The following RUNX1 variants were observed in gnomAD, a reference collection of about 807,000 sequenced individuals.
The protein encoded by RUNX1 is runt-related transcription factor 1.
A neutral mutation model predicts 42.8 loss-of-function variants in RUNX1; 19 were observed. The observed-to-expected ratio is 0.44, with a 90% confidence interval of 0.31 to 0.65. RUNX1 has a LOEUF of 0.65. Among genes scored for constraint, RUNX1 ranks in the 30% least tolerant of loss-of-function variants. The pLI, the probability that RUNX1 is intolerant of heterozygous loss-of-function variation, is 0.07. For missense variants in RUNX1, 528 were observed against 672.0 expected (o/e 0.79, Z 2.37); for synonymous variants, 271 against 289.4 (o/e 0.94, Z 0.64).
intron 3 of RUNX1, chr21:34,887,437 T>C (rs1291165535): frequency 3.1e-6 from 4 of 1,305,530 alleles, no homozygotes; most frequent in South Asian, 4.3e-5. Flanking sequence ...CTTTGGCTGT[T>C]AGAAAAGTTC....
rs2056427728 is a variant in RUNX1 at position 34,791,062 on chromosome 21, G to T, written c.*1073C>A. 2 of 233,574 alleles carry T rather than the reference G, an allele frequency of 8.6e-6. No individual in the cohort carries two copies. The highest frequency in any genetic ancestry group is 1.7e-5 in the Non-Finnish European group (2 of 118,040). The allele number at this position is 233,574 out of a possible 1,614,324, so 14.5% of individuals were successfully genotyped here. A position where few individuals can be genotyped will look rare whatever the true frequency, so the allele number is the denominator to read the frequency against. On this transcript the variant is annotated 3_prime_UTR_variant, in exon 9 of 9. Coordinates refer to ENST00000675419, the MANE Select transcript of RUNX1 (RefSeq NM_001754.5). The stretch of plus-strand genomic sequence containing the variant: ...TATGAGACCCTTGTTGAGCCTGGCA[G>T]AAAATTCCATACTTCTGATCCTTGG...
chr21:34,898,813 G>A (rs1280854023), intron 2 of RUNX1, among the ~76,000 whole-genome samples: 1 of 152,244 alleles, frequency 6.6e-6, no homozygotes, highest in Non-Finnish European at 1.5e-5. Context: ...GGTCTCGGAA[G>A]AAGCCTGAGA....
chr21:34,956,361 T>C (rs2058643883), intron 2 of RUNX1, among the ~76,000 whole-genome samples: 1 of 152,212 alleles, frequency 6.6e-6, no homozygotes. Flanking sequence ...ATTTGAAAGA[T>C]GAACTGGTAG....
intron 2 of RUNX1, among the ~76,000 whole-genome samples, chr21:34,939,451 G>A (rs1214775582): frequency 9.9e-5 from 15 of 152,216 alleles, no homozygotes; most frequent in Admixed American, 9.8e-4. Flanking sequence ...TGTGTGATAT[G>A]TAGGAAAGTT....
Position 34,790,511 on chromosome 21 carries a change from C to A in RUNX1, c.*1624G>T, listed in dbSNP as rs2056420589. On this transcript the variant is annotated 3_prime_UTR_variant, in exon 9 of 9. Coordinates refer to ENST00000675419, the MANE Select transcript of RUNX1 (RefSeq NM_001754.5). ...TACAACAACTGCATTCTGACCAAAT[C>A]CTCCAATAAAAATAGTGCCATAAAA... 4.3e-6 allele frequency: 1 copy of A among 233,682 alleles called. No individual in the cohort carries two copies. Among genetic ancestry groups the A allele is most frequent in the Admixed American group, 5.6e-5 (1 of 17,804 alleles). The allele number at this position is 233,682 out of a possible 1,614,324, so 14.5% of individuals were successfully genotyped here. A position where few individuals can be genotyped will look rare whatever the true frequency, so the allele number is the denominator to read the frequency against.
rs558793739 is a variant in RUNX1, at chr21:34,968,917, C to T, written c.59-75954G>A. Among the ~76,000 whole-genome samples the T allele has an allele frequency of 4.1e-4, 63 of 152,296 alleles. 1 individual carries two copies. Among genetic ancestry groups the T allele is most frequent in the African/African-American group, 1.4e-3 (60 of 41,554 alleles). On this transcript the variant is annotated intron_variant, in intron 2 of 8. Coordinates refer to ENST00000675419, the MANE Select transcript of RUNX1 (RefSeq NM_001754.5). ...GGTTCTACATGTAGCTAAAACAATT[C>T]AGTAACCCCGCCGGCAATTCTGCAA...
chr21:34,920,097 A>G (rs989175623), intron 2 of RUNX1, among the ~76,000 whole-genome samples: 4 of 152,218 alleles, frequency 2.6e-5, no homozygotes, highest in Admixed American at 2.0e-4. Flanking sequence ...CAAAATAACC[A>G]TCATCAAGGA....
In RUNX1 at chr21:34,843,126, A is replaced by G. The variant is rs779506745; in HGVS notation, c.614-8525T>C. 6.6e-6 allele frequency among the ~76,000 whole-genome samples: 1 copy of G among 152,192 alleles called. No homozygotes were observed. Among genetic ancestry groups the G allele is most frequent in the Non-Finnish European group, 1.5e-5 (1 of 68,044 alleles). On this transcript the variant is annotated intron_variant, in intron 6 of 8. Coordinates refer to ENST00000675419, the MANE Select transcript of RUNX1 (RefSeq NM_001754.5). This position sits in a 1 kb window ranked among gnomAD's most constrained non-coding sequence, Gnocchi z 4.8. ...CATGGACACACATGTATAAACACACATACAGACACACATGGACATATACAC... is the reference window on the plus strand; with the variant it reads ...CATGGACACACATGTATAAACACACGTACAGACACACATGGACATATACAC...
At chr21:34,965,762 C>G (rs947836196) in intron 2 of RUNX1, among the ~76,000 whole-genome samples, 45 of 152,302 alleles carry the variant, frequency 3.0e-4, no homozygotes, top group African/African-American at 1.1e-3. Context: ...TCCTGTGAAG[C>G]TGGATGCTCT....
Position 34,788,554 on chromosome 21 carries a change from A to C in RUNX1, c.*3581T>G. On this transcript the variant is annotated 3_prime_UTR_variant, in exon 9 of 9. Coordinates refer to ENST00000675419, the MANE Select transcript of RUNX1 (RefSeq NM_001754.5). ...AGAAAAAGTCCTTAGAAACACACAC[A>C]AAAAAATTGAAAAAAAGTTATAGGC... 1 of 232,984 alleles carries C rather than the reference A, an allele frequency of 4.3e-6. No individual in the cohort carries two copies. The highest frequency in any genetic ancestry group is 8.5e-6 in the Non-Finnish European group (1 of 117,716). 14.4% of individuals were successfully genotyped at this position (232,984 alleles called of 1,614,324 possible).
intron 4 of RUNX1, 124 bp downstream of exon 4, chr21:34,886,719 G>T: frequency 6.8e-7 from 1 of 1,476,170 alleles, no homozygotes; most frequent in South Asian, 1.2e-5. Flanking sequence ...TAGGAAGACC[G>T]ACCCGGGGCT....
At chr21:34,816,696 G>A (rs1351475574) in intron 7 of RUNX1, among the ~76,000 whole-genome samples, 2 of 152,088 alleles carry the variant, frequency 1.3e-5, no homozygotes, top group East Asian at 3.9e-4. Context: ...GATGTGGTGG[G>A]GAGGAGAGGA....
At chr21:34,999,550 G>C (rs2059024290) in intron 2 of RUNX1, among the ~76,000 whole-genome samples, 1 of 152,056 alleles carries the variant, frequency 6.6e-6, no homozygotes, top group African/African-American at 2.4e-5. Flanking sequence ...CAGATCTCAG[G>C]GTCTGGTAGG....
intron 2 of RUNX1, among the ~76,000 whole-genome samples, chr21:34,931,092 C>T (rs2058441000): frequency 6.6e-6 from 1 of 152,014 alleles, no homozygotes; most frequent in African/African-American, 2.4e-5. Flanking sequence ...ATCTAATTTA[C>T]CTCTGAGTTT....
At chr21:34,887,260 G>GGGGGGGGGGGTCGT in intron 3 of RUNX1, 164 bp from the exon 4 acceptor site, 1 of 771,782 alleles carries the variant, frequency 1.3e-6, no homozygotes, top group Admixed American at 7.3e-5. Flanking sequence ...GGCGGGGGTG[G>GGGGGGGGGGGTCGT]TTAGGGGAGG....
At chr21:34,958,948 A>G (rs1187600269) in intron 2 of RUNX1, among the ~76,000 whole-genome samples, 2 of 151,978 alleles carry the variant, frequency 1.3e-5, no homozygotes, top group East Asian at 3.9e-4. Context: ...ACTATCGCAA[A>G]GACAAAAAAC....
chr21:34,887,967 G>C (rs967494633), intron 3 of RUNX1: 1 of 1,065,918 alleles, frequency 9.4e-7, no homozygotes, highest in African/African-American at 1.6e-5. Flanking sequence ...AGAAGGCCCA[G>C]TCGATGACAC....
chr21:35,038,766 T>C (rs1169604244), intron 2 of RUNX1: 1 of 456,024 alleles, frequency 2.2e-6, no homozygotes, highest in Non-Finnish European at 4.4e-6. Flanking sequence ...TGGGTTCCAA[T>C]TTTTATACAA....
intron 5 of RUNX1, among the ~76,000 whole-genome samples, chr21:34,878,001 G>T (rs1370868993): frequency 6.6e-6 from 1 of 151,972 alleles, no homozygotes; most frequent in Non-Finnish European, 1.5e-5. Context: ...TCATGCCAAG[G>T]GTATATTTTC....
Sources: gnomAD v4.1 joint callset for allele counts (sites outside exome capture counted in the v4.1 genomes callset) on GRCh38, gnomAD v4.1.1 for gene constraint, Gnocchi (gnomAD v3.1) non-coding constraint, MANE v1.5 for transcripts, NCBI Gene and HGNC (gene_info 2026-07-23, HGNC 2026-07-21) for gene names.